EDIL3: variants seen among roughly 807,000 people sequenced by gnomAD.
The protein encoded by EDIL3 is EGF like and discoidin domains 3.
In EDIL3, 37 loss-of-function variants were observed where a neutral mutation model predicts 67.4. The observed-to-expected ratio is 0.55, with a 90% confidence interval of 0.42 to 0.72. EDIL3 has a LOEUF of 0.72. EDIL3 is among the 30% of genes least tolerant of loss of function. The pLI, the probability that EDIL3 is intolerant of heterozygous loss-of-function variation, is 0.00. For missense variants in EDIL3, 527 were observed against 586.3 expected (o/e 0.90, Z 1.04); for synonymous variants, 195 against 196.3 (o/e 0.99, Z 0.05).
At chr5:84,007,775 T>A (rs1745445030) in intron 9 of EDIL3, among the ~76,000 whole-genome samples, 1 of 152,128 alleles carries the variant, frequency 6.6e-6, no homozygotes, top group African/African-American at 2.4e-5. Flanking sequence ...CTACTGCTTT[T>A]GTATACATAC....
At chr5:83,970,642 A>G (rs1744774545) in intron 9 of EDIL3, among the ~76,000 whole-genome samples, 2 of 64,162 alleles carry the variant, frequency 3.1e-5, no homozygotes, top group South Asian at 1.2e-3. Flanking sequence ...ATAGGATCAC[A>G]GTATATATAT....
At chr5:84,148,635 C>T (rs1485663277) in intron 4 of EDIL3, among the ~76,000 whole-genome samples, 1 of 151,984 alleles carries the variant, frequency 6.6e-6, no homozygotes, top group Non-Finnish European at 1.5e-5. Context: ...GGCTAGATTT[C>T]CCTCATTCCA....
chr5:84,042,651 A>C (rs1446303173), intron 9 of EDIL3, among the ~76,000 whole-genome samples: 1 of 152,070 alleles, frequency 6.6e-6, no homozygotes, highest in Non-Finnish European at 1.5e-5. Flanking sequence ...GCTTCCTTTA[A>C]ATTTTTTTTA....
intron 1 of EDIL3, among the ~76,000 whole-genome samples, chr5:84,363,591 T>G (rs1001840721): frequency 6.6e-6 from 1 of 152,198 alleles, no homozygotes; most frequent in Non-Finnish European, 1.5e-5. Context: ...ATAGTGCAAC[T>G]GATACTGTAT....
intron 1 of EDIL3, among the ~76,000 whole-genome samples, chr5:84,340,154 A>T (rs533434453): frequency 6.6e-6 from 1 of 152,100 alleles, no homozygotes; most frequent in East Asian, 1.9e-4. Flanking sequence ...AAGAACATCT[A>T]CTTCCAATTC....
chr5:84,306,633 A>T (rs1481070438), intron 1 of EDIL3, among the ~76,000 whole-genome samples: 1 of 152,218 alleles, frequency 6.6e-6, no homozygotes, highest in Admixed American at 6.5e-5. Flanking sequence ...TTCAAACACA[A>T]ATCAATTTCT....
At chr5:84,376,733 G>A (rs924624896) in intron 1 of EDIL3, among the ~76,000 whole-genome samples, 2 of 152,182 alleles carry the variant, frequency 1.3e-5, no homozygotes, top group African/African-American at 2.4e-5. Context: ...ACTGATGGGG[G>A]TGGGTAGCTA....
At chr5:84,033,350 A>AT (rs1168943962) in intron 9 of EDIL3, among the ~76,000 whole-genome samples, 1 of 152,086 alleles carries the variant, frequency 6.6e-6, no homozygotes, top group Non-Finnish European at 1.5e-5. Context: ...CCATACTTAA[A>AT]TTTTTTTTCT....
Position 84,185,972 on chromosome 5 carries a change from A to G in EDIL3, c.227-5451T>C, listed in dbSNP as rs112902529. Among the ~76,000 whole-genome samples the G allele has an allele frequency of 5.0e-4, 76 of 152,270 alleles. 1 individual carries two copies. Among genetic ancestry groups the G allele is most frequent in the African/African-American group, 1.8e-3 (73 of 41,568 alleles). ...AGCAAGATAAAATGATCAGAATACA[A>G]GTTAGTATATAAAGATAACATAATA... On this transcript the variant is annotated intron_variant, in intron 3 of 10. Transcript: ENST00000296591.
At chr5:84,291,062 T>C (rs966794988) in intron 1 of EDIL3, among the ~76,000 whole-genome samples, 3 of 152,144 alleles carry the variant, frequency 2.0e-5, no homozygotes, top group African/African-American at 7.2e-5. Flanking sequence ...AATTTCAATA[T>C]GTAGTACTAG....
intron 1 of EDIL3, among the ~76,000 whole-genome samples, chr5:84,255,498 T>C (rs1191717828): frequency 1.3e-5 from 2 of 152,092 alleles, no homozygotes; most frequent in South Asian, 4.1e-4. Context: ...CAAAAACCCA[T>C]ACAGTTTTAA....
chr5:84,033,904 GACAACA>G (rs1745972633), intron 9 of EDIL3, among the ~76,000 whole-genome samples: 1 of 151,974 alleles, frequency 6.6e-6, no homozygotes, highest in South Asian at 2.1e-4. Flanking sequence ...ATGACAGTTA[GACAACA>G]AAGATAGGAA....
intron 1 of EDIL3, among the ~76,000 whole-genome samples, chr5:84,264,162 C>G (rs1745297875): frequency 6.6e-6 from 1 of 152,146 alleles, no homozygotes; most frequent in Non-Finnish European, 1.5e-5. Context: ...ATGAGAATCC[C>G]TTGAACCAAA....
chr5:84,190,551 A>ATGTG (rs1228798257), intron 3 of EDIL3, among the ~76,000 whole-genome samples: 19 of 126,982 alleles, frequency 1.5e-4, no homozygotes, highest in Admixed American at 5.8e-4. Flanking sequence ...ATATATATAT[A>ATGTG]TGTGTGTGTG....
At chr5:84,354,092 C>A (rs749132817) in intron 1 of EDIL3, among the ~76,000 whole-genome samples, 7 of 152,036 alleles carry the variant, frequency 4.6e-5, no homozygotes, top group Non-Finnish European at 7.4e-5. Flanking sequence ...CACTTGCGAA[C>A]CTAGTGAGGA....
At chr5:84,371,369 ATATG>A (rs1193305716) in intron 1 of EDIL3, among the ~76,000 whole-genome samples, 10 of 144,522 alleles carry the variant, frequency 6.9e-5, no homozygotes, top group Admixed American at 5.6e-4. Flanking sequence ...ATGTGTGTAT[ATATG>A]TATGTGTGTA....
intron 1 of EDIL3, among the ~76,000 whole-genome samples, chr5:84,288,607 G>A (rs961001535): frequency 6.6e-5 from 10 of 151,954 alleles, no homozygotes; most frequent in Admixed American, 2.6e-4. Context: ...CTGTCACCTC[G>A]GGATATTTCC....
chr5:83,993,513 A>T (rs1745186214), intron 9 of EDIL3, among the ~76,000 whole-genome samples: 1 of 152,206 alleles, frequency 6.6e-6, no homozygotes, highest in African/African-American at 2.4e-5. Context: ...TCTCCATTAA[A>T]ATAAGAAGCC....
intron 6 of EDIL3, among the ~76,000 whole-genome samples, chr5:84,101,289 A>G (rs1747361929): frequency 6.6e-6 from 1 of 152,102 alleles, no homozygotes. Context: ...AAGATAATTA[A>G]CCTGTTTGAT....
Sources: gnomAD v4.1 joint callset for allele counts (sites outside exome capture counted in the v4.1 genomes callset) on GRCh38, gnomAD v4.1.1 for gene constraint, MANE v1.5 for transcripts, NCBI Gene and HGNC (gene_info 2026-07-23, HGNC 2026-07-21) for gene names.